USB1: variants seen among roughly 807,000 people sequenced by gnomAD.
The protein encoded by USB1 is U6 snRNA biogenesis phosphodiesterase 1.
In USB1, 21 loss-of-function variants were observed where a neutral mutation model predicts 29.9. The observed-to-expected ratio is 0.70, with a 90% confidence interval of 0.50 to 1.01. The LOEUF is 1.01. Ranked by LOEUF, USB1 falls within the 50% of genes least tolerant of loss-of-function variation. The probability of loss-of-function intolerance (pLI) is 0.00; values close to 1 mark genes in which losing one functional copy is unlikely to be tolerated. For missense variants in USB1, 330 were observed against 347.1 expected (o/e 0.95, Z 0.39); for synonymous variants, 143 against 134.9 (o/e 1.06, Z -0.42).
In USB1 at chr16:58,013,709, G is replaced by GT; in HGVS notation, c.450-562dup. On this transcript the variant is annotated intron_variant, in intron 3 of 6. Coordinates refer to ENST00000219281, the MANE Select transcript of USB1 (RefSeq NM_024598.4). This position sits in a 1 kb window ranked among gnomAD's most constrained non-coding sequence, Gnocchi z 4.3. ...GACTCTGGAAACAGGCAGACTGACT[G>GT]TTCCAATCCTGGCTCACCAAATTCA... 1 of 828,338 alleles carries GT rather than the reference G, an allele frequency of 1.2e-6. No homozygotes were observed. The highest frequency in any genetic ancestry group is 1.5e-6 in the Non-Finnish European group (1 of 684,362). The allele number at this position is 828,338 out of a possible 1,614,324, so 51.3% of individuals were successfully genotyped here.
chr16:58,000,076 A>G (rs1250485755), upstream of USB1, among the ~76,000 whole-genome samples: 1 of 152,060 alleles, frequency 6.6e-6, no homozygotes, highest in African/African-American at 2.4e-5. The surrounding 1 kb of genome is among the most constrained non-coding windows in gnomAD (Gnocchi z 4.5). Context: ...CTCCCTGAGA[A>G]ACCGAATGAA....
Position 58,010,019 on chromosome 16 carries a change from TC to T in USB1, c.358del (p.His120ThrfsTer22). 1 of 1,614,104 alleles carries T rather than the reference TC, an allele frequency of 6.2e-7. No homozygotes were observed. The highest frequency in any genetic ancestry group is 1.1e-5 in the South Asian group (1 of 91,074). ...YVPRLVRMKV[F>X]HLSLSQSVVL... ...CCCCGGCTGGTAAGGATGAAGGTGT[TC>T]CACCTCAGCCTGTCCCAGAGTGTGG... is the stretch of plus-strand genomic sequence containing the variant. On this transcript the variant is annotated frameshift_variant, in exon 3 of 7. Transcript: ENST00000219281. LOFTEE classifies it high-confidence loss of function.
At chr16:58,001,078 G>C (rs997197237), upstream of USB1, among the ~76,000 whole-genome samples, 2 of 152,120 alleles carry the variant, frequency 1.3e-5, no homozygotes, top group Non-Finnish European at 2.9e-5. Context: ...CAGGACCTCT[G>C]ATCCTGGCCG....
intron 2 of USB1, among the ~76,000 whole-genome samples, chr16:58,006,645 C>T (rs1346583071): frequency 6.6e-6 from 1 of 152,030 alleles, no homozygotes; most frequent in Non-Finnish European, 1.5e-5. Context: ...GGCAACAGAG[C>T]AAGACTCTGT....
At chr16:58,010,342 T>C (rs956664976) in intron 3 of USB1, among the ~76,000 whole-genome samples, 1 of 152,220 alleles carries the variant, frequency 6.6e-6, no homozygotes, top group African/African-American at 2.4e-5. Flanking sequence ...CCAGCTGTTT[T>C]TCTGTAAGCT....
rs149411375 is a variant in USB1, at chr16:58,001,573, C to A, written c.90C>A (p.Ser30Arg). 6.2e-7 allele frequency: 1 copy of A among 1,606,478 alleles called. No individual in the cohort carries two copies. Among genetic ancestry groups the A allele is most frequent in the African/African-American group, 1.3e-5 (1 of 74,814 alleles). ...DGMRTRPGDG[S>R]HRRGQSPLPR... is the part of the protein sequence containing the mutation. ...TGCGGACCAGGCCGGGGGATGGGAG[C>A]CACCGTCGGTGAGGAGTGAGGAAGT... The change falls in exon 1 of 7, where the codon AGC (serine) becomes AGA (arginine). Residue 30 changes from serine (S) to arginine (R), a missense_variant. Coordinates refer to ENST00000219281, the MANE Select transcript of USB1 (RefSeq NM_024598.4).
chr16:58,011,882 GA>G (rs1212234462), intron 3 of USB1: 9 of 998,888 alleles, frequency 9.0e-6, no homozygotes, highest in African/African-American at 3.5e-5. Context: ...CATGGTGCGG[GA>G]ATGAGGGAGC....
At chr16:57,999,932 AC>A (rs1963122164), upstream of USB1, 1 of 152,686 alleles carries the variant, frequency 6.5e-6, no homozygotes, top group Non-Finnish European at 1.5e-5. Flanking sequence ...GGTCTGCAGC[AC>A]CCCCTGCCCA....
At chr16:57,999,808 G>A (rs144382044), upstream of USB1, 1 of 152,572 alleles carries the variant, frequency 6.6e-6, no homozygotes, top group East Asian at 1.9e-4. Flanking sequence ...AGCCTTCTCG[G>A]GACAGAGAGG....
In USB1 at chr16:58,012,508, C is replaced by G; in HGVS notation, c.450-1765C>G. On this transcript the variant is annotated intron_variant, in intron 3 of 6. Coordinates refer to ENST00000219281, the MANE Select transcript of USB1 (RefSeq NM_024598.4). ...GACTGTTCACCATCTCAGCTCTGTC[C>G]CCTTCCTTTGTCACAATGACGAAGC... 5 of 1,203,494 alleles carry G rather than the reference C, an allele frequency of 4.2e-6. No homozygotes were observed. In the South Asian group the frequency reaches 6.3e-5, roughly 15 times the overall value. The allele number at this position is 1,203,494 out of a possible 1,614,324, so 74.6% of individuals were successfully genotyped here.
chr16:58,016,756 T>C, intron 4 of USB1: 1 of 178,202 alleles, frequency 5.6e-6, no homozygotes, highest in Non-Finnish European at 1.2e-5. Context: ...GTGGAGGTTG[T>C]TGGCAACTTT....
rs774672635 is a variant in USB1 at position 58,002,582 on chromosome 16, G to A, written c.202G>A (p.Gly68Arg). ...GCCTGAAGATGACAGCACAAAACAC[G>A]GGGGACGGGTGCGCACCTTCCCCCA... ...EGPEDDSTKH[G>R]GRVRTFPHER... The change falls in exon 2 of 7, where the codon GGG (glycine) becomes AGG (arginine). Residue 68 changes from glycine (G) to arginine (R), a missense_variant. By Grantham distance (125) the Gly-to-Arg change is moderately radical. Transcript: ENST00000219281. 6.5e-5 allele frequency: 105 copies of A among 1,613,924 alleles called. No homozygotes were observed. The East Asian group carries it at 1.2e-3, about 19-fold the overall frequency.
intron 4 of USB1, among the ~76,000 whole-genome samples, chr16:58,014,658 C>T (rs937710718): frequency 6.6e-6 from 1 of 152,158 alleles, no homozygotes; most frequent in Non-Finnish European, 1.5e-5. Context: ...TAGTGTGTGC[C>T]TGTAGTTCCA....
chr16:58,019,476 A>G (rs1963690248), intron 6 of USB1, among the ~76,000 whole-genome samples: 1 of 152,182 alleles, frequency 6.6e-6, no homozygotes, highest in South Asian at 2.1e-4. Flanking sequence ...ACCAGGGGTA[A>G]GGAACATCCA....
At chr16:58,004,267 G>A (rs1963302031) in intron 2 of USB1, among the ~76,000 whole-genome samples, 1 of 152,094 alleles carries the variant, frequency 6.6e-6, no homozygotes, top group Non-Finnish European at 1.5e-5. Context: ...TATTGATGTG[G>A]GTCTATTTCT....
Position 58,020,499 on chromosome 16 carries a change from T to A in USB1, c.*254T>A, listed in dbSNP as rs1407212102. ...CTCTTCCTCTCCTCTCTTCCTCTCTTCTCTCTTCCTCTCCTCTCTCTCTTC... is the reference window on the plus strand; with the variant it reads ...CTCTTCCTCTCCTCTCTTCCTCTCTACTCTCTTCCTCTCCTCTCTCTCTTC... On this transcript the variant is annotated 3_prime_UTR_variant, in exon 7 of 7. Transcript: ENST00000219281. 1.5e-5 allele frequency: 8 copies of A among 533,046 alleles called. No homozygotes were observed. Among genetic ancestry groups the A allele is most frequent in the Non-Finnish European group, 2.7e-5 (8 of 297,172 alleles). 33.0% of individuals were successfully genotyped at this position (533,046 alleles called of 1,614,324 possible).
chr16:58,009,881 G>C lies in USB1; in HGVS notation c.266-48G>C. On this transcript the variant is annotated intron_variant, in intron 2 of 6. Coordinates refer to ENST00000219281, the MANE Select transcript of USB1 (RefSeq NM_024598.4). ...TTCTGGGCTTCTTCATTCAGCCATGGCACCTTGGCTGAGAGAACGGCCCGC... is the reference window on the plus strand; with the variant it reads ...TTCTGGGCTTCTTCATTCAGCCATGCCACCTTGGCTGAGAGAACGGCCCGC... 1.9e-6 allele frequency: 3 copies of C among 1,612,400 alleles called. No individual in the cohort carries two copies. The Middle Eastern group carries it at 5.0e-4, about 266-fold the overall frequency.
At chr16:58,008,453 C>CTTTTTTTTTT (rs56262437) in intron 2 of USB1, among the ~76,000 whole-genome samples, 4 of 115,190 alleles carry the variant, frequency 3.5e-5, no homozygotes, top group Non-Finnish European at 5.5e-5. Flanking sequence ...TTTTCTTTTT[C>CTTTTTTTTTT]TTTTTTTTTT....
chr16:58,019,459 G>T (rs772604452), intron 6 of USB1, among the ~76,000 whole-genome samples: 111 of 152,334 alleles, frequency 7.3e-4, no homozygotes, highest in Non-Finnish European at 1.5e-3. Flanking sequence ...GAAAATGGGT[G>T]AAATGTACCA....
Sources: gnomAD v4.1 joint callset for allele counts (sites outside exome capture counted in the v4.1 genomes callset) on GRCh38, gnomAD v4.1.1 for gene constraint, Gnocchi (gnomAD v3.1) non-coding constraint, MANE v1.5 for transcripts, NCBI Gene and HGNC (gene_info 2026-07-23, HGNC 2026-07-21) for gene names.